Variants in SH3BGRL2 observed in about 807,000 individuals in gnomAD.
SH3BGRL2 encodes the protein SH3 domain-binding glutamic acid-rich-like protein 2.
Under a neutral mutation model 14.8 loss-of-function variants are expected in SH3BGRL2, and 21 were observed. The observed-to-expected ratio is 1.42, with a 90% CI of 1.01 to 2.05. The LOEUF (loss-of-function observed/expected upper bound fraction) is 2.05. SH3BGRL2 is among the 30% of genes most tolerant of loss of function. The probability of loss-of-function intolerance (pLI) is 0.00; values close to 1 mark genes in which losing one functional copy is unlikely to be tolerated. For missense variants in SH3BGRL2, 147 were observed against 130.8 expected (o/e 1.12, Z -0.61); for synonymous variants, 50 against 47.8 (o/e 1.05, Z -0.19).
At chr6:79,609,246 T>A in the SH3BGRL2 span, among the ~76,000 whole-genome samples, 1 of 152,180 alleles carries the variant, frequency 6.6e-6, no homozygotes, top group Non-Finnish European at 1.5e-5. Context: ...TATCATTGGC[T>A]GCAAAATGAA....
upstream of SH3BGRL2, among the ~76,000 whole-genome samples, chr6:79,628,064 A>G (rs992447541): frequency 2.6e-5 from 4 of 152,176 alleles, no homozygotes; most frequent in African/African-American, 9.6e-5. Flanking sequence ...AGGCATTTTC[A>G]TATTTTCCAA....
At chr6:79,631,174 A>AG, upstream of SH3BGRL2, 1 of 347,236 alleles carries the variant, frequency 2.9e-6, no homozygotes, top group Non-Finnish European at 5.2e-6. Context: ...CGCGGTCAGG[A>AG]GGGGAGCTCA....
chr6:79,613,217 T>TCAAAAGGAGAGAAG, the SH3BGRL2 span, among the ~76,000 whole-genome samples: 1 of 152,196 alleles, frequency 6.6e-6, no homozygotes, highest in African/African-American at 2.4e-5. Context: ...AATCTGCAGC[T>TCAAAAGGAGAGAAG]CAAAAGGAGA....
At chr6:79,561,984 G>A in the SH3BGRL2 span, among the ~76,000 whole-genome samples, 1 of 152,158 alleles carries the variant, frequency 6.6e-6, no homozygotes, top group Non-Finnish European at 1.5e-5. Context: ...TTGCAGAAAA[G>A]GATCAAGAGT....
chr6:79,568,221 A>G, the SH3BGRL2 span, among the ~76,000 whole-genome samples: 1 of 152,150 alleles, frequency 6.6e-6, no homozygotes, highest in African/African-American at 2.4e-5. Context: ...GTAGGTATAC[A>G]CCCCAGACTA....
chr6:79,689,993 G>C (rs546122400), intron 2 of SH3BGRL2, among the ~76,000 whole-genome samples: 2 of 149,214 alleles, frequency 1.3e-5, no homozygotes, highest in South Asian at 4.7e-4. Context: ...TTTTGTTTTT[G>C]TTTTGACATA....
intron 2 of SH3BGRL2, among the ~76,000 whole-genome samples, chr6:79,696,240 C>T (rs1023140728): frequency 2.0e-5 from 3 of 152,200 alleles, no homozygotes; most frequent in African/African-American, 7.2e-5. Context: ...TCATTTCTGT[C>T]ACCAAATGTT....
At chr6:79,569,801 C>T in the SH3BGRL2 span, among the ~76,000 whole-genome samples, 1 of 152,278 alleles carries the variant, frequency 6.6e-6, no homozygotes, top group African/African-American at 2.4e-5. Flanking sequence ...GGTTTCTTTG[C>T]CTAACTTGTC....
the SH3BGRL2 span, among the ~76,000 whole-genome samples, chr6:79,584,798 T>A: frequency 6.6e-6 from 1 of 152,170 alleles, no homozygotes; most frequent in Non-Finnish European, 1.5e-5. Flanking sequence ...AAATGGATAC[T>A]CTTTAGTTGG....
At chr6:79,697,133 G>A (rs1770348541) in intron 3 of SH3BGRL2, among the ~76,000 whole-genome samples, 1 of 151,972 alleles carries the variant, frequency 6.6e-6, no homozygotes, top group Non-Finnish European at 1.5e-5. Context: ...TAAGCTTATA[G>A]ATTCACTTTC....
At chr6:79,620,417 G>A in the SH3BGRL2 span, among the ~76,000 whole-genome samples, 4 of 151,964 alleles carry the variant, frequency 2.6e-5, no homozygotes, top group African/African-American at 4.8e-5. Context: ...CATGTTAGGC[G>A]CATGATTATT....
chr6:79,697,509 A>G (rs1267382011), intron 3 of SH3BGRL2, among the ~76,000 whole-genome samples: 1 of 152,198 alleles, frequency 6.6e-6, no homozygotes, highest in Non-Finnish European at 1.5e-5. Flanking sequence ...CATCTCTGGC[A>G]TACCTGTAGG....
chr6:79,569,854 T>G, the SH3BGRL2 span, among the ~76,000 whole-genome samples: 2 of 152,198 alleles, frequency 1.3e-5, no homozygotes, highest in Non-Finnish European at 2.9e-5. Context: ...CAGTGTCTGC[T>G]TGGTTCCAAT....
chr6:79,582,832 A>G, the SH3BGRL2 span, among the ~76,000 whole-genome samples: 3 of 152,236 alleles, frequency 2.0e-5, no homozygotes, highest in South Asian at 2.1e-4. Context: ...AGAAACTACC[A>G]TCAGAGTGAA....
chr6:79,541,135 C>T, the SH3BGRL2 span, among the ~76,000 whole-genome samples: 77 of 152,138 alleles, frequency 5.1e-4, no homozygotes, highest in African/African-American at 1.6e-3. Context: ...TGCCTGCAGT[C>T]CCAGCTTCAC....
At chr6:79,667,786 G>T (rs1208222041) in intron 1 of SH3BGRL2, among the ~76,000 whole-genome samples, 3 of 152,040 alleles carry the variant, frequency 2.0e-5, no homozygotes, top group Non-Finnish European at 4.4e-5. Flanking sequence ...TCACAGGTTT[G>T]GAAATGGAAG....
At chr6:79,680,336 C>T (rs1769964846) in intron 2 of SH3BGRL2, among the ~76,000 whole-genome samples, 1 of 151,948 alleles carries the variant, frequency 6.6e-6, no homozygotes, top group South Asian at 2.1e-4. Flanking sequence ...TTGAAGAGAC[C>T]ATCTTTTTTC....
chr6:79,572,659 G>A, the SH3BGRL2 span, among the ~76,000 whole-genome samples: 5 of 152,098 alleles, frequency 3.3e-5, no homozygotes, highest in East Asian at 1.9e-4. Context: ...CAGAGATGGG[G>A]TTTCACTGTG....
intron 1 of SH3BGRL2, among the ~76,000 whole-genome samples, chr6:79,636,477 A>C (rs1768924655): frequency 6.6e-6 from 1 of 152,204 alleles, no homozygotes; most frequent in Non-Finnish European, 1.5e-5. Flanking sequence ...CAGAAGAAGC[A>C]GGAGTAAGTT....
Sources: gnomAD v4.1 joint callset for allele counts (sites outside exome capture counted in the v4.1 genomes callset) on GRCh38, gnomAD v4.1.1 for gene constraint, MANE v1.5 for transcripts, NCBI Gene and HGNC (gene_info 2026-07-23, HGNC 2026-07-21) for gene names.